The following COL4A5 variants were observed in gnomAD, a reference collection of about 807,000 sequenced individuals.
COL4A5 encodes the protein collagen type IV alpha 5 chain.
A neutral mutation model predicts 130.2 loss-of-function variants in COL4A5; 26 were observed. That is an observed-to-expected ratio of 0.20 (90% CI 0.15 to 0.28). The LOEUF (loss-of-function observed/expected upper bound fraction) is 0.28, where lower values mean the gene tolerates loss of function less well. COL4A5 is among the 10% of genes least tolerant of loss of function. The pLI, the probability that COL4A5 is intolerant of heterozygous loss-of-function variation, is 1.00. For missense variants in COL4A5, 1,131 were observed against 1,344.3 expected, an observed-to-expected ratio of 0.84 and a Z score of 2.48; for synonymous variants, 496 against 439.6, an observed-to-expected ratio of 1.13 and a Z score of -1.60.
intron 1 of COL4A5, among the ~76,000 whole-genome samples, chrX:108,505,513 A>T (rs1341555040): frequency 8.9e-6 from 1 of 111,805 alleles, no homozygotes; most frequent in African/African-American, 3.3e-5. Context: ...AGGTAACTGT[A>T]TATGGAGTAA....
At chrX:108,544,319 G>T (rs1471402342) in intron 2 of COL4A5, among the ~76,000 whole-genome samples, 14 of 112,159 alleles carry the variant, frequency 1.2e-4, no homozygotes, top group African/African-American at 4.2e-4. Flanking sequence ...TTAGCCTGAA[G>T]GGCTGTTGAA....
intron 4 of COL4A5, among the ~76,000 whole-genome samples, chrX:108,564,933 AG>A (rs2065946523): frequency 9.0e-6 from 1 of 111,543 alleles, no homozygotes; most frequent in Non-Finnish European, 1.9e-5. Context: ...CTGGAGAAGC[AG>A]GGAAGAAACT....
chrX:108,553,824 C>A (rs760342949), intron 2 of COL4A5, among the ~76,000 whole-genome samples: 1 of 111,915 alleles, frequency 8.9e-6, no homozygotes, highest in East Asian at 2.8e-4. Flanking sequence ...AACAACTCAA[C>A]TTCCCATCAA....
intron 36 of COL4A5, among the ~76,000 whole-genome samples, chrX:108,643,015 A>G (rs1825762746): frequency 1.8e-5 from 2 of 111,496 alleles, no homozygotes; most frequent in African/African-American, 6.5e-5. Context: ...AAAATATGAT[A>G]CAACAATTGG....
rs369631209 is a variant in COL4A5, at chrX:108,577,939, C to T, written c.610-13C>T. 4.2e-6 allele frequency: 5 copies of T among 1,179,174 alleles called. No individual in the cohort carries two copies. The African/African-American group carries it at 8.9e-5, about 21-fold the overall frequency. On this transcript the variant is annotated splice_polypyrimidine_tract_variant and intron_variant, in intron 10 of 52. Coordinates refer to ENST00000328300, the MANE Select transcript of COL4A5 (RefSeq NM_033380.3). ...TATAACATTTTATTTTCTCTTTTGT[C>T]TTCTCTTCTTAGGGCCCTCCTGGTC...
intron 36 of COL4A5, among the ~76,000 whole-genome samples, chrX:108,631,030 G>A (rs994808092): frequency 2.7e-5 from 3 of 111,615 alleles, no homozygotes; most frequent in African/African-American, 6.5e-5. Context: ...GTTTTGGTAC[G>A]AGTACCATGC....
At chrX:108,447,180 A>C (rs2064462012) in intron 1 of COL4A5, among the ~76,000 whole-genome samples, 1 of 111,060 alleles carries the variant, frequency 9.0e-6, no homozygotes, top group Non-Finnish European at 1.9e-5. Flanking sequence ...CTTACACTTA[A>C]ATGGCTGTGT....
rs745394400 is a variant in COL4A5 at position 108,512,497 on chromosome X, T to C, written c.82-27249T>C. Among the ~76,000 whole-genome samples the C allele has an allele frequency of 6.2e-5, 7 of 112,397 alleles. No individual in the cohort carries two copies. In the East Asian group the frequency reaches 1.9e-3, roughly 31 times the overall value. ...CTTTAGTGACTGAGTCATATTCCAT[T>C]GTATGAATATACCAATGAAGATTTA... On this transcript the variant is annotated intron_variant, in intron 1 of 52. Coordinates refer to ENST00000328300, the MANE Select transcript of COL4A5 (RefSeq NM_033380.3).
At chrX:108,520,070 T>C (rs1031787743) in intron 1 of COL4A5, among the ~76,000 whole-genome samples, 1 of 111,637 alleles carries the variant, frequency 9.0e-6, no homozygotes, top group Non-Finnish European at 1.9e-5. Flanking sequence ...TTTATCACAT[T>C]TTATTTAATA....
chrX:108,582,693 A>G (rs1421670010), intron 16 of COL4A5, 191 bp from the exon 17 acceptor site: 3 of 368,458 alleles, frequency 8.1e-6, no homozygotes, highest in Non-Finnish European at 1.3e-5. Context: ...ACCAAGATTC[A>G]GCTTTTTTTT....
At chrX:108,641,389 C>T (rs1384695153) in intron 36 of COL4A5, among the ~76,000 whole-genome samples, 1 of 111,505 alleles carries the variant, frequency 9.0e-6, no homozygotes, top group Non-Finnish European at 1.9e-5. Flanking sequence ...GGACGGGAGA[C>T]AGGACTGGAT....
At position 108,659,244 on chromosome X, in the gene COL4A5, A is replaced by G. The variant is rs140948683; in HGVS notation, c.3373+3787A>G. Among the ~76,000 whole-genome samples, 602 of 111,325 alleles carry G rather than the reference A, an allele frequency of 5.4e-3. 3 individuals are homozygous for G. The highest frequency in any genetic ancestry group is 0.018 in the African/African-American group (557 of 30,863). On this transcript the variant is annotated intron_variant, in intron 37 of 52. Transcript: ENST00000328300. ...TGTTATTGATTTTTAATTTGATTCTATTGTGGCCAGAATACATATTTTGTA... is the reference window on the plus strand; with the variant it reads ...TGTTATTGATTTTTAATTTGATTCTGTTGTGGCCAGAATACATATTTTGTA...
intron 28 of COL4A5, among the ~76,000 whole-genome samples, chrX:108,605,133 A>C (rs2147828469): frequency 8.9e-6 from 1 of 112,063 alleles, no homozygotes; most frequent in African/African-American, 3.2e-5. Flanking sequence ...CTTTTCCTTC[A>C]CATTCACAAC....
intron 36 of COL4A5, among the ~76,000 whole-genome samples, chrX:108,642,228 A>G (rs1027663932): frequency 1.8e-5 from 2 of 110,491 alleles, no homozygotes; most frequent in Admixed American, 9.6e-5. Context: ...AGCAGCCACA[A>G]TAAGACCTGC....
rs1007038277 is a variant in COL4A5 at position 108,589,011 on chromosome X, T to C, written c.1166-2047T>C. On this transcript the variant is annotated intron_variant, in intron 19 of 52. Coordinates refer to ENST00000328300, the MANE Select transcript of COL4A5 (RefSeq NM_033380.3). ...ATTCTGGATAAAATGAGAATAGCGG[T>C]AGGATGCAAGAACCAAAGCTTAGAA... Among the ~76,000 whole-genome samples, 4 of 111,517 alleles carry C rather than the reference T, an allele frequency of 3.6e-5. No homozygotes were observed. The Admixed American group carries it at 3.8e-4, about 11-fold the overall frequency.
intron 1 of COL4A5, among the ~76,000 whole-genome samples, chrX:108,490,316 T>A (rs1489310034): frequency 1.8e-5 from 2 of 111,985 alleles, no homozygotes; most frequent in Non-Finnish European, 3.8e-5. Flanking sequence ...GTCATTTTGA[T>A]AGATATTGCC....
At chrX:108,522,039 A>G (rs1048977936) in intron 1 of COL4A5, among the ~76,000 whole-genome samples, 8 of 111,132 alleles carry the variant, frequency 7.2e-5, no homozygotes, top group African/African-American at 2.6e-4. Context: ...TGAACATTTC[A>G]TAGAAGTAAA....
chrX:108,548,390 A>C (rs963370344), intron 2 of COL4A5, among the ~76,000 whole-genome samples: 1 of 112,198 alleles, frequency 8.9e-6, no homozygotes, highest in South Asian at 3.7e-4. Context: ...AAGATAAATC[A>C]GAAGAAACAA....
At chrX:108,621,064 T>G (rs1466337202) in intron 31 of COL4A5, among the ~76,000 whole-genome samples, 1 of 110,000 alleles carries the variant, frequency 9.1e-6, no homozygotes, top group East Asian at 2.9e-4. Flanking sequence ...CTTTTCTTTC[T>G]TTCTTTTCTT....
Sources: gnomAD v4.1 joint callset for allele counts (sites outside exome capture counted in the v4.1 genomes callset) on GRCh38, gnomAD v4.1.1 for gene constraint, MANE v1.5 for transcripts, NCBI Gene and HGNC (gene_info 2026-07-23, HGNC 2026-07-21) for gene names.